The following MYCBP2 variants were observed in gnomAD, a reference collection of about 807,000 sequenced individuals.
The protein encoded by MYCBP2 is MYC binding protein 2.
A neutral mutation model predicts 525.3 loss-of-function variants in MYCBP2; 120 were observed. The observed-to-expected ratio is 0.23, with a 90% confidence interval of 0.20 to 0.27. The LOEUF is 0.27. MYCBP2 is among the 10% of genes least tolerant of loss of function. MYCBP2 has a pLI of 1.00. For missense variants in MYCBP2, 4,149 were observed against 5,657.1 expected, an observed-to-expected ratio of 0.73 and a Z score of 8.55; for synonymous variants, 1,894 against 1,955.8, an observed-to-expected ratio of 0.97 and a Z score of 0.83.
intron 5 of MYCBP2, 28 bp downstream of exon 5, chr13:77,273,444 C>T (rs758662474): frequency 1.3e-6 from 2 of 1,531,018 alleles, no homozygotes; most frequent in African/African-American, 1.4e-5. Context: ...ATCTTATAAA[C>T]TTCTAAGCAG....
intron 40 of MYCBP2, among the ~76,000 whole-genome samples, chr13:77,167,643 A>C (rs2058691440): frequency 6.6e-6 from 1 of 152,230 alleles, no homozygotes; most frequent in African/African-American, 2.4e-5. Context: ...TGTTTTCTTC[A>C]ATGTGATAAT....
chr13:77,243,626 A>G (rs1057115493), intron 16 of MYCBP2, among the ~76,000 whole-genome samples, 180 bp downstream of exon 16: 4 of 152,010 alleles, frequency 2.6e-5, no homozygotes, highest in African/African-American at 7.2e-5. Flanking sequence ...AAAAGAAAAA[A>G]AAAAAAAAGA....
chr13:77,136,094 T>C (rs1302819817), intron 52 of MYCBP2, among the ~76,000 whole-genome samples: 1 of 152,150 alleles, frequency 6.6e-6, no homozygotes, highest in Non-Finnish European at 1.5e-5. Context: ...GCTGGCATAA[T>C]AGGCGTGAGC....
intron 7 of MYCBP2, among the ~76,000 whole-genome samples, chr13:77,269,081 T>C (rs1287260795): frequency 2.0e-5 from 3 of 152,200 alleles, no homozygotes; most frequent in South Asian, 2.1e-4. Flanking sequence ...GAGTAATGTA[T>C]CCATCTGGCT....
At chr13:77,093,078 A>T (rs546698997) in intron 59 of MYCBP2, 87 bp downstream of exon 59, 2 of 1,327,596 alleles carry the variant, frequency 1.5e-6, no homozygotes, top group Non-Finnish European at 2.0e-6. Context: ...AGATGTATTA[A>T]AGAACTTCTA....
chr13:77,154,683 C>G (rs769766989), intron 46 of MYCBP2, among the ~76,000 whole-genome samples: 10 of 152,086 alleles, frequency 6.6e-5, no homozygotes, highest in Non-Finnish European at 1.5e-4. Flanking sequence ...CAACTCACTA[C>G]ATTGAGAAAT....
rs2036004223 is a variant in MYCBP2 at position 77,048,260 on chromosome 13, A to C, written c.13921+2737T>G. 2.0e-5 allele frequency among the ~76,000 whole-genome samples: 3 copies of C among 152,128 alleles called. No individual in the cohort carries two copies. The South Asian group carries it at 6.2e-4, about 32-fold the overall frequency. ...CAAGAAAGTGCCACCTATGAGGCTG[A>C]GAGTGGGTCCTCACCAGACACCTCG... is the stretch of plus-strand genomic sequence containing the variant. On this transcript the variant is annotated intron_variant, in intron 82 of 82. Transcript: ENST00000544440.
At chr13:77,056,930 G>A (rs2038214630) in intron 79 of MYCBP2, 56 bp downstream of exon 79, 1 of 1,339,944 alleles carries the variant, frequency 7.5e-7, no homozygotes. Flanking sequence ...ATTTTGAAAG[G>A]TGAAAAGAAA....
intron 20 of MYCBP2, among the ~76,000 whole-genome samples, chr13:77,218,815 T>C (rs940984296): frequency 8.5e-5 from 13 of 152,170 alleles, no homozygotes; most frequent in African/African-American, 3.1e-4. Context: ...ATAGAAATAG[T>C]CCACACATAG....
At position 77,134,716 on chromosome 13, in the gene MYCBP2, A is replaced by G. The variant is rs113832891; in HGVS notation, c.7659+4480T>C. On this transcript the variant is annotated intron_variant, in intron 52 of 82. Coordinates refer to ENST00000544440, the MANE Select transcript of MYCBP2 (RefSeq NM_015057.5). ...CATTGACTTAAAAATTATTTTGGAAACGATACAGTCATAATATGAATGTCT... is the reference window on the plus strand; with the variant it reads ...CATTGACTTAAAAATTATTTTGGAAGCGATACAGTCATAATATGAATGTCT... Among the ~76,000 whole-genome samples, 321 of 152,308 alleles carry G rather than the reference A, an allele frequency of 2.1e-3. 3 individuals carry two copies. Among genetic ancestry groups the G allele is most frequent in the Non-Finnish European group, 3.2e-3 (216 of 68,028 alleles).
At chr13:77,065,832 C>A (rs1226299189) in intron 72 of MYCBP2, among the ~76,000 whole-genome samples, 160 bp downstream of exon 72, 1 of 152,186 alleles carries the variant, frequency 6.6e-6, no homozygotes, top group Admixed American at 6.5e-5. Flanking sequence ...GACAAATTAT[C>A]ACTCACTGAA....
chr13:77,145,528 T>A (rs772605195), intron 48 of MYCBP2, among the ~76,000 whole-genome samples: 1 of 152,288 alleles, frequency 6.6e-6, no homozygotes, highest in Non-Finnish European at 1.5e-5. Flanking sequence ...TTCCCAAATT[T>A]ATTTTCCCCA....
At chr13:77,086,089 A>G (rs1046123349) in intron 62 of MYCBP2, among the ~76,000 whole-genome samples, 1 of 152,070 alleles carries the variant, frequency 6.6e-6, no homozygotes, top group African/African-American at 2.4e-5. Context: ...TACATAGTCA[A>G]TGTTTTTTAA....
intron 29 of MYCBP2, among the ~76,000 whole-genome samples, chr13:77,189,733 T>A (rs1322323094): frequency 6.6e-6 from 1 of 152,156 alleles, no homozygotes; most frequent in Admixed American, 6.5e-5. Context: ...TAAGTTAAAA[T>A]TTTTCAATAA....
chr13:77,284,307 G>A (rs2076510819), intron 3 of MYCBP2, among the ~76,000 whole-genome samples: 1 of 151,958 alleles, frequency 6.6e-6, no homozygotes, highest in Non-Finnish European at 1.5e-5. Context: ...ACACTTAGGA[G>A]GAGCAACAGA....
At chr13:77,182,776 G>A (rs981402315) in intron 32 of MYCBP2, among the ~76,000 whole-genome samples, 1 of 152,194 alleles carries the variant, frequency 6.6e-6, no homozygotes, top group Non-Finnish European at 1.5e-5. Context: ...GGGCGGGGAG[G>A]CCTAGGACTT....
At chr13:77,061,408 T>A in intron 75 of MYCBP2, 107 bp from the exon 76 acceptor site, 1 of 1,033,846 alleles carries the variant, frequency 9.7e-7, no homozygotes, top group South Asian at 1.9e-5. Flanking sequence ...ATTTAAGCAC[T>A]CTAAGAAGTT....
At chr13:77,251,070 A>C in intron 15 of MYCBP2, 81 bp downstream of exon 15, 1 of 1,277,490 alleles carries the variant, frequency 7.8e-7, no homozygotes. Context: ...AAAAAATATT[A>C]ATAGTAGAGT....
At chr13:77,255,113 C>A (rs2071937627) in intron 14 of MYCBP2, among the ~76,000 whole-genome samples, 1 of 151,860 alleles carries the variant, frequency 6.6e-6, no homozygotes, top group African/African-American at 2.4e-5. Flanking sequence ...GATACATATA[C>A]CCAGAAGTGG....
Sources: gnomAD v4.1 joint callset for allele counts (sites outside exome capture counted in the v4.1 genomes callset) on GRCh38, gnomAD v4.1.1 for gene constraint, MANE v1.5 for transcripts, NCBI Gene and HGNC (gene_info 2026-07-23, HGNC 2026-07-21) for gene names.